The following NPSR1 variants were observed in gnomAD, a reference collection of about 807,000 sequenced individuals.
NPSR1 encodes the protein neuropeptide S receptor.
Under a neutral mutation model 46.9 loss-of-function variants are expected in NPSR1, and 48 were observed. The ratio of observed to expected loss-of-function variants is 1.02; its 90% CI spans 0.81 to 1.30. The LOEUF (loss-of-function observed/expected upper bound fraction) is 1.30, where lower values mean the gene tolerates loss of function less well. NPSR1 is among the 50% of genes most tolerant of loss of function. The probability of loss-of-function intolerance (pLI) is 0.00; values close to 1 mark genes in which losing one functional copy is unlikely to be tolerated. For missense variants in NPSR1, 450 were observed against 449.5 expected (o/e 1.00, Z -0.01); for synonymous variants, 176 against 168.1 (o/e 1.05, Z -0.36).
intron 8 of NPSR1, among the ~76,000 whole-genome samples, chr7:34,856,494 C>T (rs1343011654): frequency 6.6e-6 from 1 of 151,774 alleles, no homozygotes; most frequent in East Asian, 1.9e-4. Flanking sequence ...CGGGGAAAAT[C>T]GGAGTGATTG....
chr7:34,660,154 C>T (rs920333973), intron 1 of NPSR1: 4 of 456,652 alleles, frequency 8.8e-6, no homozygotes, highest in African/African-American at 4.0e-5. Flanking sequence ...AAGAGAATCA[C>T]AGCATCTCTA....
intron 1 of NPSR1, among the ~76,000 whole-genome samples, chr7:34,669,548 G>A (rs1019401145): frequency 6.7e-5 from 10 of 149,958 alleles, no homozygotes; most frequent in East Asian, 5.8e-4. Context: ...CAGCCTGGGC[G>A]ACAGAGCGAG....
At chr7:34,807,920 G>A (rs998917449) in intron 3 of NPSR1, among the ~76,000 whole-genome samples, 15 of 137,158 alleles carry the variant, frequency 1.1e-4, no homozygotes, top group Middle Eastern at 3.6e-3. Context: ...CACAAAATCC[G>A]TATCCTAATC....
chr7:34,815,032 C>T (rs1278180240), intron 4 of NPSR1, among the ~76,000 whole-genome samples: 3 of 152,156 alleles, frequency 2.0e-5, no homozygotes, highest in African/African-American at 4.8e-5. Context: ...TGCAACTCCC[C>T]GCCAGCAATG....
intron 3 of NPSR1, among the ~76,000 whole-genome samples, chr7:34,796,331 A>G (rs1348240253): frequency 6.6e-6 from 1 of 152,158 alleles, no homozygotes; most frequent in Non-Finnish European, 1.5e-5. Context: ...AGAACTGATA[A>G]GCTGGCATTT....
chr7:34,839,578 A>G (rs1387077197), intron 6 of NPSR1, among the ~76,000 whole-genome samples: 1 of 152,208 alleles, frequency 6.6e-6, no homozygotes, highest in Non-Finnish European at 1.5e-5. Context: ...ACCAATCTCT[A>G]CTTTAGAAGG....
intron 2 of NPSR1, 54 bp from the exon 3 acceptor site, chr7:34,778,408 A>G (rs1230984700): frequency 5.5e-6 from 6 of 1,084,718 alleles, no homozygotes; most frequent in Non-Finnish European, 8.2e-6. Context: ...TGCAAATTTG[A>G]AAAATAAAAA....
intron 2 of NPSR1, among the ~76,000 whole-genome samples, chr7:34,690,229 C>T (rs909090166): frequency 4.6e-5 from 7 of 151,898 alleles, no homozygotes; most frequent in Non-Finnish European, 7.4e-5. Context: ...TAGACATCTC[C>T]TCAGATGAGG....
intron 6 of NPSR1, among the ~76,000 whole-genome samples, chr7:34,836,735 A>G (rs138604619): frequency 1.8e-4 from 27 of 147,126 alleles, no homozygotes; most frequent in African/African-American, 6.2e-4. Flanking sequence ...GAAAGGAAAG[A>G]TGGGTAGAAG....
chr7:34,811,865 T>C lies in NPSR1; in HGVS notation c.478+2T>C. 1.9e-6 allele frequency: 3 copies of C among 1,607,966 alleles called. No homozygotes were observed. The highest frequency in any genetic ancestry group is 2.6e-6 in the Non-Finnish European group (3 of 1,175,268). ...ACCCCATGAAGTTCCTTCAAGGAGG[T>C]GAGCTGGCTTTACCAGGTGCTCTTT... is the stretch of plus-strand genomic sequence containing the variant. On this transcript the variant is annotated splice_donor_variant, in intron 4 of 8. Coordinates refer to ENST00000360581, the MANE Select transcript of NPSR1 (RefSeq NM_207172.2). LOFTEE classifies it high-confidence loss of function.
At chr7:34,803,874 A>G (rs1202658759) in intron 3 of NPSR1, among the ~76,000 whole-genome samples, 1 of 152,012 alleles carries the variant, frequency 6.6e-6, no homozygotes, top group African/African-American at 2.4e-5. Flanking sequence ...AAACAACTCT[A>G]TGCCCACAAG....
intron 8 of NPSR1, 77 bp from the exon 9 acceptor site, chr7:34,849,488 T>C: frequency 1.2e-6 from 2 of 1,603,348 alleles, no homozygotes; most frequent in Admixed American, 1.7e-5. Context: ...TTCATAACTA[T>C]TGTCTCTTAA....
chr7:34,846,103 A>G (rs1474764856), intron 7 of NPSR1, among the ~76,000 whole-genome samples: 1 of 152,184 alleles, frequency 6.6e-6, no homozygotes, highest in African/African-American at 2.4e-5. Flanking sequence ...ACAACCCACC[A>G]GGGCTCAAAA....
intron 3 of NPSR1, among the ~76,000 whole-genome samples, chr7:34,780,227 A>G (rs978311694): frequency 5.3e-5 from 8 of 152,188 alleles, no homozygotes; most frequent in African/African-American, 1.9e-4. Flanking sequence ...AAGAACCACA[A>G]AACTAGGAAG....
chr7:34,875,383 G>C (rs1192344360), intron 8 of NPSR1, among the ~76,000 whole-genome samples: 1 of 152,172 alleles, frequency 6.6e-6, no homozygotes, highest in East Asian at 1.9e-4. Flanking sequence ...TGAAGATTGA[G>C]AAGCCCTCTT....
chr7:34,863,890 A>T (rs1461135007), intron 8 of NPSR1, among the ~76,000 whole-genome samples: 1 of 151,788 alleles, frequency 6.6e-6, no homozygotes, highest in Admixed American at 6.5e-5. Context: ...TACCCAAAGG[A>T]TTATAAATCA....
rs324382 is a variant in NPSR1, at chr7:34,729,939, C to T, written c.280+45255C>T. On this transcript the variant is annotated intron_variant, in intron 2 of 8. Transcript: ENST00000360581. ...AGGCACCCACCCACCACACCTGGCT[C>T]AATGTTTATTTTTTAGTAGCAATGG... Among the ~76,000 whole-genome samples the T allele has an allele frequency of 2.6e-5, 4 of 152,048 alleles. No homozygotes were observed. The East Asian group carries it at 5.8e-4, about 22-fold the overall frequency.
intron 1 of NPSR1, among the ~76,000 whole-genome samples, chr7:34,684,159 G>A (rs988711838): frequency 6.6e-6 from 1 of 152,122 alleles, no homozygotes; most frequent in Non-Finnish European, 1.5e-5. Flanking sequence ...TGCTGTAATA[G>A]TTCACTGAAT....
intron 3 of NPSR1, among the ~76,000 whole-genome samples, chr7:34,790,684 GT>G (rs1029440172): frequency 3.4e-5 from 4 of 116,278 alleles, no homozygotes; most frequent in South Asian, 5.7e-4. Context: ...TATGTTCTAT[GT>G]TATATATAAT....
Sources: allele counts gnomAD v4.1 joint callset (sites outside exome capture counted in the v4.1 genomes callset), GRCh38; gene constraint gnomAD v4.1.1; transcripts MANE v1.5; gene names NCBI Gene and HGNC (gene_info 2026-07-23, HGNC 2026-07-21).